C4orf36: variants seen among roughly 807,000 people sequenced by gnomAD.
C4orf36 encodes chromosome 4 open reading frame 36, also known as uncharacterized protein C4orf36.
In C4orf36, 11 loss-of-function variants were observed where a neutral mutation model predicts 12.2. That is an observed-to-expected ratio of 0.90 (90% CI 0.57 to 1.49). C4orf36 has a LOEUF of 1.49. Ranked by LOEUF, C4orf36 falls within the 40% of genes most tolerant of loss-of-function variation. C4orf36 has a pLI of 0.00. For missense variants in C4orf36, 137 were observed against 133.9 expected (o/e 1.02, Z -0.11); for synonymous variants, 54 against 51.3 (o/e 1.05, Z -0.22).
the C4orf36 span, among the ~76,000 whole-genome samples, chr4:86,921,952 T>C: frequency 6.6e-6 from 1 of 152,242 alleles, no homozygotes. Context: ...CATTTTGTGA[T>C]TGTCTTATTT....
chr4:86,893,270 A>C (rs1166839504), upstream of C4orf36, among the ~76,000 whole-genome samples: 1 of 152,190 alleles, frequency 6.6e-6, no homozygotes, highest in Non-Finnish European at 1.5e-5. Flanking sequence ...CAACTTTTAA[A>C]GATAAACACA....
At chr4:86,927,381 G>A in the C4orf36 span, among the ~76,000 whole-genome samples, 3 of 152,114 alleles carry the variant, frequency 2.0e-5, no homozygotes, top group Non-Finnish European at 4.4e-5. Flanking sequence ...GGTAGAACTA[G>A]AGCATTCTAG....
chr4:86,887,608 G>T, intron 4 of C4orf36, 150 bp downstream of exon 4: 1 of 798,780 alleles, frequency 1.3e-6, no homozygotes, highest in Non-Finnish European at 1.9e-6. Flanking sequence ...AGATCTGTCA[G>T]AACTGGGTAC....
At chr4:86,903,913 A>T in the C4orf36 span, among the ~76,000 whole-genome samples, 1 of 152,136 alleles carries the variant, frequency 6.6e-6, no homozygotes, top group Admixed American at 6.5e-5. Flanking sequence ...CTAGCTAGAC[A>T]CAGAGCGCTG....
In C4orf36 at chr4:86,884,298, A is replaced by ACTTTTTTTT. The variant is rs1560471171; in HGVS notation, c.*2+3459_*2+3460insAAAAAAAAG. 2.4e-5 allele frequency among the ~76,000 whole-genome samples: 3 copies of ACTTTTTTTT among 125,250 alleles called. 1 individual carries two copies. The highest frequency in any genetic ancestry group is 1.7e-5 in the Non-Finnish European group (1 of 59,620). The allele number at this position is 125,250 out of a possible 152,430, so 82.2% of individuals were successfully genotyped here. A position where few individuals can be genotyped will look rare whatever the true frequency, so the allele number is the denominator to read the frequency against. On this transcript the variant is annotated intron_variant, in intron 4 of 4. Coordinates refer to ENST00000295898, the MANE Select transcript of C4orf36 (RefSeq NM_144645.4). ...AAATTAGGCAGAAGGAAAAAGACTG[A>ACTTTTTTTT]ATTTTTTTTTTTTTTTTTTTTTTTG...
the C4orf36 span, chr4:86,935,681 C>G: frequency 1.3e-5 from 2 of 152,142 alleles, no homozygotes; most frequent in African/African-American, 4.8e-5. Flanking sequence ...ACCCCGGGAC[C>G]CTTCCCTGTG....
the C4orf36 span, among the ~76,000 whole-genome samples, chr4:86,928,955 A>C: frequency 6.6e-6 from 1 of 151,682 alleles, no homozygotes; most frequent in African/African-American, 2.4e-5. Flanking sequence ...AATTCATCTT[A>C]GTTACTACCT....
At chr4:86,908,749 C>T in the C4orf36 span, among the ~76,000 whole-genome samples, 241 of 151,578 alleles carry the variant, frequency 1.6e-3, no homozygotes, top group African/African-American at 5.7e-3. Context: ...GGATAGCAAA[C>T]AAGACATGAC....
chr4:86,880,125 A>T (rs945069025), intron 4 of C4orf36, among the ~76,000 whole-genome samples: 1 of 152,198 alleles, frequency 6.6e-6, no homozygotes, highest in Non-Finnish European at 1.5e-5. Flanking sequence ...ACCTTCTGGG[A>T]TTACAGGTGT....
At chr4:86,900,432 T>C in the C4orf36 span, among the ~76,000 whole-genome samples, 2 of 152,182 alleles carry the variant, frequency 1.3e-5, no homozygotes, top group Admixed American at 1.3e-4. Flanking sequence ...TCTCAGACTG[T>C]GACTTTATTT....
chr4:86,890,433 A>C (rs1221630033), intron 2 of C4orf36, among the ~76,000 whole-genome samples: 1 of 151,954 alleles, frequency 6.6e-6, no homozygotes, highest in Admixed American at 6.6e-5. Context: ...GTGTGTATAC[A>C]TGTGTGTATG....
At chr4:86,877,799 C>T (rs1443621114) in intron 4 of C4orf36, among the ~76,000 whole-genome samples, 1 of 152,100 alleles carries the variant, frequency 6.6e-6, no homozygotes, top group Non-Finnish European at 1.5e-5. Flanking sequence ...GGATTATAAC[C>T]CCCAGGATGC....
At chr4:86,912,260 A>C in the C4orf36 span, among the ~76,000 whole-genome samples, 21,286 of 152,162 alleles carry the variant, frequency 0.14, 1,960 homozygotes, top group East Asian at 0.28. Context: ...GCCTCAAGTG[A>C]TCCTCCTGCC....
chr4:86,899,193 A>T, the C4orf36 span, among the ~76,000 whole-genome samples: 1 of 152,192 alleles, frequency 6.6e-6, no homozygotes, highest in Non-Finnish European at 1.5e-5. Flanking sequence ...CTCCTCTAAA[A>T]CAAATTATTA....
chr4:86,885,239 T>A (rs889937529), intron 4 of C4orf36, among the ~76,000 whole-genome samples: 8 of 152,264 alleles, frequency 5.3e-5, no homozygotes, highest in Admixed American at 3.9e-4. Flanking sequence ...GTGAAGAAAG[T>A]CATTGGTAGC....
chr4:86,890,775 C>T (rs550850212), intron 2 of C4orf36, among the ~76,000 whole-genome samples: 3 of 152,336 alleles, frequency 2.0e-5, no homozygotes, highest in South Asian at 4.1e-4. Flanking sequence ...GGTTGCAACA[C>T]GTGCTCACTA....
intron 2 of C4orf36, among the ~76,000 whole-genome samples, chr4:86,890,416 CAT>C (rs1180585516): frequency 2.0e-5 from 3 of 151,634 alleles, no homozygotes; most frequent in East Asian, 1.9e-4. Flanking sequence ...GTTAAAAAGA[CAT>C]ATGTGTGTGT....
chr4:86,881,501 A>G (rs1183933579), intron 4 of C4orf36, among the ~76,000 whole-genome samples: 8 of 152,144 alleles, frequency 5.3e-5, no homozygotes, highest in Admixed American at 4.6e-4. Context: ...AGTAGCTGGG[A>G]TTGCTTGAAC....
intron 2 of C4orf36, among the ~76,000 whole-genome samples, chr4:86,889,141 G>C (rs1241914056): frequency 6.6e-6 from 1 of 152,114 alleles, no homozygotes; most frequent in African/African-American, 2.4e-5. Flanking sequence ...TCTGAGGCCA[G>C]GAGCTCAAGA....
Sources: gnomAD v4.1 joint callset for allele counts (sites outside exome capture counted in the v4.1 genomes callset) on GRCh38, gnomAD v4.1.1 for gene constraint, MANE v1.5 for transcripts, NCBI Gene and HGNC (gene_info 2026-07-23, HGNC 2026-07-21) for gene names.